Variants in DDX20 observed in about 807,000 individuals in gnomAD.
The protein encoded by DDX20 is DEAD-box helicase 20.
A neutral mutation model predicts 76.4 loss-of-function variants in DDX20; 61 were observed. That is an observed-to-expected ratio of 0.80 (90% CI 0.65 to 0.99). DDX20 has a LOEUF of 0.99. DDX20 is among the 50% of genes least tolerant of loss of function. The pLI is 0.00. For missense variants in DDX20, 976 were observed against 996.8 expected (o/e 0.98, Z 0.28); for synonymous variants, 357 against 357.4 (o/e 1.00, Z 0.01).
chr1:111,759,973 CAAAAAAAAAA>C (rs754870294), intron 3 of DDX20, among the ~76,000 whole-genome samples: 1 of 57,620 alleles, frequency 1.7e-5, no homozygotes, highest in Non-Finnish European at 3.6e-5. Flanking sequence ...GACTCCATCT[CAAAAAAAAAA>C]AAAAAAAAAA....
chr1:111,759,650 CTT>C lies in DDX20; in HGVS notation c.565+84_565+85del, dbSNP rs1663630580. On this transcript the variant is annotated intron_variant, in intron 3 of 10. Transcript: ENST00000369702. ...TATAACAATAAAGATATATGGGAGT[CTT>C]TGATAACTGTGATAATTATTTTGAT... is the stretch of plus-strand genomic sequence containing the variant. 7.6e-6 allele frequency: 10 copies of C among 1,319,064 alleles called. No individual in the cohort carries two copies. In the South Asian group the frequency reaches 1.4e-4, roughly 18 times the overall value. 81.7% of individuals were successfully genotyped at this position (1,319,064 alleles called of 1,614,324 possible).
At chr1:111,759,627 T>A in intron 3 of DDX20, 59 bp downstream of exon 3, 3 of 1,461,940 alleles carry the variant, frequency 2.1e-6, no homozygotes, top group South Asian at 1.2e-5. Context: ...ACTTTTAATA[T>A]AACAATAAAG....
At position 111,762,792 on chromosome 1, in the gene DDX20, A is replaced by AG. The variant is rs781104879; in HGVS notation, c.1210+10_1210+11insG. 1.7e-5 allele frequency: 28 copies of AG among 1,610,630 alleles called. No homozygotes were observed. The African/African-American group carries it at 2.3e-4, about 13-fold the overall frequency. On this transcript the variant is annotated intron_variant, in intron 9 of 10. Transcript: ENST00000369702. Reference sequence around the variant, plus strand: ...AGAGCTGGCCGTTTTGGTAAAAAAAAAAAAAAAAGTTTGAGTGCTTTCTTT... The same window carrying AG: ...AGAGCTGGCCGTTTTGGTAAAAAAAAGAAAAAAAAGTTTGAGTGCTTTCTTT...
chr1:111,764,940 A>G (rs1253247927), intron 10 of DDX20, among the ~76,000 whole-genome samples: 2 of 152,220 alleles, frequency 1.3e-5, no homozygotes, highest in Non-Finnish European at 1.5e-5. Flanking sequence ...CTGTTCAGCA[A>G]AGGATCAAGA....
intron 3 of DDX20, 42 bp downstream of exon 3, chr1:111,759,610 A>T (rs1197117455): frequency 6.6e-7 from 1 of 1,523,784 alleles, no homozygotes; most frequent in East Asian, 2.3e-5. Flanking sequence ...CTTTTAAGGA[A>T]CTACACACTT....
rs762570157 is a variant in DDX20, at chr1:111,766,479, TG to T, written c.2056del (p.Glu686AsnfsTer34). ...CTTCTGATAATCAGCTGAAAGACTC[TG>T]AATCTACGCCTGTGGATGATCGTAT... Reference protein sequence around the residue: ...GSSDNQLKDSESTPVDDRISL... With the variant: ...GSSDNQLKDSXSTPVDDRISL... On this transcript the variant is annotated frameshift_variant, in exon 11 of 11. Transcript: ENST00000369702. LOFTEE classifies it high-confidence loss of function. 6.2e-7 allele frequency: 1 copy of T among 1,614,184 alleles called. No individual in the cohort carries two copies. The highest frequency in any genetic ancestry group is 8.5e-7 in the Non-Finnish European group (1 of 1,180,018).
chr1:111,758,252 G>A (rs569625384), intron 2 of DDX20, among the ~76,000 whole-genome samples: 2 of 151,690 alleles, frequency 1.3e-5, no homozygotes, highest in Non-Finnish European at 2.9e-5. Flanking sequence ...TTAGAAATAG[G>A]GAAAATTCAG....
intron 3 of DDX20, among the ~76,000 whole-genome samples, chr1:111,759,954 A>G (rs1663636031): frequency 1.4e-5 from 2 of 138,540 alleles, no homozygotes; most frequent in African/African-American, 2.9e-5. Context: ...AGCCTGGGTG[A>G]CAGAGCGAGA....
At chr1:111,762,059 G>A (rs1282774518) in intron 7 of DDX20, 196 bp from the exon 8 acceptor site, 1 of 481,906 alleles carries the variant, frequency 2.1e-6, no homozygotes, top group Non-Finnish European at 3.7e-6. Flanking sequence ...TGAATTTCAA[G>A]TTGATTGCCT....
chr1:111,764,115 TA>T (rs972453329), intron 10 of DDX20, among the ~76,000 whole-genome samples: 11 of 150,368 alleles, frequency 7.3e-5, no homozygotes, highest in Admixed American at 2.0e-4. Flanking sequence ...CTGTCTCTAC[TA>T]AAAAAAAATA....
intron 10 of DDX20, among the ~76,000 whole-genome samples, chr1:111,764,693 G>A (rs1663743479): frequency 6.6e-6 from 1 of 152,146 alleles, no homozygotes; most frequent in Admixed American, 6.5e-5. Flanking sequence ...GATAAAAATT[G>A]CCTTTGGATA....
chr1:111,756,775 T>C, intron 2 of DDX20, 35 bp downstream of exon 2: 1 of 1,531,160 alleles, frequency 6.5e-7, no homozygotes, highest in Non-Finnish European at 9.1e-7. Flanking sequence ...GAGGATGTGT[T>C]TTGTGGACTT....
Position 111,756,684 on chromosome 1 carries a change from T to G in DDX20, c.340T>G (p.Cys114Gly). ...AGCTAAATCTGGCACCGGGAAAACC[T>G]GTGTGTTCTCCACCATAGCTTTGGA... Reference protein sequence around the residue: ...VQAKSGTGKTCVFSTIALDSL... With the variant: ...VQAKSGTGKTGVFSTIALDSL... The change falls in exon 2 of 11, where the codon TGT becomes GGT. Residue 114 changes from cysteine (C) to glycine (G), a missense_variant. By Grantham distance (159) the Cys-to-Gly change is radical (BLOSUM62 -3). Coordinates refer to ENST00000369702, the MANE Select transcript of DDX20 (RefSeq NM_007204.5). 2.5e-6 allele frequency: 4 copies of G among 1,614,186 alleles called. No homozygotes were observed. Among genetic ancestry groups the G allele is most frequent in the Non-Finnish European group, 3.4e-6 (4 of 1,180,004 alleles).
At chr1:111,765,107 A>G (rs1663752496) in intron 10 of DDX20, among the ~76,000 whole-genome samples, 3 of 152,214 alleles carry the variant, frequency 2.0e-5, no homozygotes, top group Admixed American at 1.3e-4. Flanking sequence ...GTGGGAAGCA[A>G]ATTGTCACAC....
rs1403245483 is a variant in DDX20, at chr1:111,756,086, G to T, written c.162G>T (p.Gly54=). The change falls in exon 1 of 11, where the codon GGG becomes GGT. Residue 54 remains glycine, a synonymous_variant. Transcript: ENST00000369702. ...QDLSSPRTRT[G]DVLLAEPADF... is the part of the protein sequence containing the mutation. The stretch of plus-strand genomic sequence containing the variant: ...TCAGCAGCCCGCGGACCCGCACGGG[G>T]GATGTGCTGTTGGCGGAGCCGGCCG... 62 of 1,604,706 alleles carry T rather than the reference G, an allele frequency of 3.9e-5. No homozygotes were observed. Among genetic ancestry groups the T allele is most frequent in the Non-Finnish European group, 5.3e-5 (62 of 1,179,294 alleles).
rs2101421459 is a variant in DDX20, at chr1:111,762,258, A to G, written c.1025A>G (p.Asn342Ser). The G allele has an allele frequency of 6.2e-7, 1 of 1,612,196 alleles. No individual in the cohort carries two copies. The highest frequency in any genetic ancestry group is 8.5e-7 in the Non-Finnish European group (1 of 1,179,332). ...KGFPAECISG[N>S]MNQNQRLDAM... The stretch of plus-strand genomic sequence containing the variant: ...CTTTCTTTTGGGGTCCTTTTAGGCA[A>G]TATGAATCAGAATCAGCGTCTTGAT... Residue 342 changes from asparagine to serine, a missense_variant, in exon 8 of 11, where the codon AAT (asparagine) becomes AGT (serine). Asn to Ser is a conservative substitution (Grantham distance 46, BLOSUM62 1). This residue lies in a region of DDX20 where 630 missense variants were observed against 693.7 expected (regional missense o/e 0.91). Transcript: ENST00000369702.
At position 111,760,599 on chromosome 1, in the gene DDX20, T is replaced by C. The variant is rs761751109; in HGVS notation, c.680+11T>C. On this transcript the variant is annotated intron_variant, in intron 4 of 10. Coordinates refer to ENST00000369702, the MANE Select transcript of DDX20 (RefSeq NM_007204.5). ...CCAGGAGCAAATAAAGTAAGAAAAA[T>C]AACTAACTTGACTATTAAAACAGTG... 1 of 1,604,062 alleles carries C rather than the reference T, an allele frequency of 6.2e-7. No individual in the cohort carries two copies. The highest frequency in any genetic ancestry group is 8.5e-7 in the Non-Finnish European group (1 of 1,176,198).
chr1:111,767,660 A>G lies in DDX20; in HGVS notation c.*761A>G, dbSNP rs1295991618. 1 of 152,140 alleles carries G rather than the reference A, an allele frequency of 6.6e-6. No homozygotes were observed. Among genetic ancestry groups the G allele is most frequent in the Non-Finnish European group, 1.5e-5 (1 of 68,014 alleles). 9.4% of individuals were successfully genotyped at this position (152,140 alleles called of 1,614,324 possible). On this transcript the variant is annotated 3_prime_UTR_variant, in exon 11 of 11. Transcript: ENST00000369702. ...CTTGGATCCTTTTATGAATCAGCTG[A>G]TAGCTATAGATTGACTTCAGGAAAT... is the stretch of plus-strand genomic sequence containing the variant.
chr1:111,762,221 G>A, intron 7 of DDX20, 34 bp from the exon 8 acceptor site: 2 of 1,575,986 alleles, frequency 1.3e-6, no homozygotes, highest in Non-Finnish European at 1.7e-6. Context: ...TAGCTTAGTT[G>A]TTTTTATGTG....
Sources: gnomAD v4.1 joint callset for allele counts (sites outside exome capture counted in the v4.1 genomes callset) on GRCh38, gnomAD v4.1.1 for gene constraint, gnomAD v4.1.1 regional missense constraint, MANE v1.5 for transcripts, NCBI Gene and HGNC (gene_info 2026-07-23, HGNC 2026-07-21) for gene names.